The following ADK variants were observed in gnomAD, a reference collection of about 807,000 sequenced individuals.
The protein encoded by ADK is N6,N6-dimethyladenosine kinase.
Under a neutral mutation model 44.7 loss-of-function variants are expected in ADK, and 24 were observed. The observed-to-expected ratio is 0.54, with a 90% CI of 0.39 to 0.76. The LOEUF (loss-of-function observed/expected upper bound fraction) is 0.76. Ranked by LOEUF, ADK falls within the 30% of genes least tolerant of loss-of-function variation. ADK has a pLI of 0.00. For synonymous variants in ADK, 128 were observed against 142.6 expected (o/e 0.90, Z 0.73); for missense variants, 321 against 425.1 (o/e 0.76, Z 2.15).
chr10:74,571,700 G>A (rs539446899), intron 7 of ADK, among the ~76,000 whole-genome samples: 1,894 of 151,936 alleles, frequency 0.012, 8 homozygotes, highest in Middle Eastern at 0.024. Context: ...TCTTGCTAGC[G>A]GTCTATCAAT....
intron 6 of ADK, among the ~76,000 whole-genome samples, chr10:74,458,930 T>C (rs1440960007): frequency 6.6e-6 from 1 of 152,104 alleles, no homozygotes; most frequent in East Asian, 1.9e-4. Flanking sequence ...CATACACATA[T>C]ATACTCTACC....
intron 7 of ADK, among the ~76,000 whole-genome samples, chr10:74,563,277 G>A (rs917755525): frequency 6.6e-6 from 1 of 152,172 alleles, no homozygotes; most frequent in Admixed American, 6.5e-5. Flanking sequence ...CCCTCAAACT[G>A]TTTGTACATG....
At chr10:74,576,048 A>G (rs1040029762) in intron 7 of ADK, among the ~76,000 whole-genome samples, 6 of 152,180 alleles carry the variant, frequency 3.9e-5, no homozygotes, top group Non-Finnish European at 7.4e-5. Flanking sequence ...ATGTTAAAGG[A>G]AAGGAATAAT....
intron 4 of ADK, among the ~76,000 whole-genome samples, chr10:74,338,565 G>T (rs888746270): frequency 1.3e-5 from 2 of 152,028 alleles, no homozygotes; most frequent in Non-Finnish European, 2.9e-5. Flanking sequence ...TATATCTATC[G>T]AATGGAATAC....
At chr10:74,347,181 G>A (rs1841802826) in intron 4 of ADK, among the ~76,000 whole-genome samples, 1 of 141,364 alleles carries the variant, frequency 7.1e-6, no homozygotes, top group African/African-American at 2.7e-5. Flanking sequence ...GCAGCTCCCA[G>A]CAAGACCAAC....
chr10:74,488,814 A>G (rs949481987), intron 6 of ADK, among the ~76,000 whole-genome samples: 2 of 151,792 alleles, frequency 1.3e-5, no homozygotes, highest in Non-Finnish European at 2.9e-5. Context: ...AGGTGATGAG[A>G]TTGAGTAGCT....
At chr10:74,255,219 G>A (rs967651979) in intron 3 of ADK, among the ~76,000 whole-genome samples, 5 of 152,068 alleles carry the variant, frequency 3.3e-5, no homozygotes, top group African/African-American at 7.2e-5. Flanking sequence ...GGGAGGTGGG[G>A]TCAAGGAAGT....
At chr10:74,197,269 C>G (rs1181574736) in intron 1 of ADK, among the ~76,000 whole-genome samples, 1 of 152,106 alleles carries the variant, frequency 6.6e-6, no homozygotes, top group Non-Finnish European at 1.5e-5. Context: ...ACACACAATT[C>G]CAGTTTATTA....
chr10:74,229,892 A>G (rs1844688981), intron 3 of ADK, among the ~76,000 whole-genome samples: 1 of 152,076 alleles, frequency 6.6e-6, no homozygotes, highest in African/African-American at 2.4e-5. Flanking sequence ...TAACAAAAGT[A>G]GCCGGATGTG....
intron 6 of ADK, among the ~76,000 whole-genome samples, chr10:74,410,285 A>G (rs917301135): frequency 6.6e-6 from 1 of 152,136 alleles, no homozygotes; most frequent in African/African-American, 2.4e-5. Context: ...TTGCTCTGTC[A>G]TGAAAAGATT....
chr10:74,463,073 ATTAT>A (rs773554295), intron 6 of ADK, among the ~76,000 whole-genome samples: 2 of 151,952 alleles, frequency 1.3e-5, no homozygotes, highest in Non-Finnish European at 2.9e-5. Context: ...CTAATAAGTG[ATTAT>A]TTTATTTTTT....
chr10:74,654,025 A>G (rs1854384768), intron 9 of ADK, among the ~76,000 whole-genome samples: 1 of 152,180 alleles, frequency 6.6e-6, no homozygotes, highest in Non-Finnish European at 1.5e-5. Flanking sequence ...TGGTTCCTTC[A>G]TATCTAATGC....
chr10:74,594,724 G>A (rs1310541298), intron 8 of ADK, among the ~76,000 whole-genome samples: 1 of 150,576 alleles, frequency 6.6e-6, no homozygotes, highest in Non-Finnish European at 1.5e-5. Flanking sequence ...GGAAGACAAT[G>A]TGATCACCAA....
intron 7 of ADK, among the ~76,000 whole-genome samples, chr10:74,559,195 C>T (rs953127360): frequency 5.9e-5 from 9 of 152,238 alleles, no homozygotes; most frequent in African/African-American, 2.2e-4. Context: ...CGCTGTTCAT[C>T]CACTGACCTC....
intron 1 of ADK, among the ~76,000 whole-genome samples, chr10:74,188,883 C>T (rs1842862210): frequency 6.6e-6 from 1 of 152,098 alleles, no homozygotes; most frequent in African/African-American, 2.4e-5. Context: ...AGCGATTCTT[C>T]TGCCTCAGGC....
rs148854962 is a variant in ADK at position 74,161,809 on chromosome 10, G to A, written c.65+10466G>A. 5.9e-4 allele frequency among the ~76,000 whole-genome samples: 90 copies of A among 151,792 alleles called. 6 individuals are homozygous for A. The East Asian group carries it at 0.017, about 29-fold the overall frequency. On this transcript the variant is annotated intron_variant, in intron 1 of 10. Coordinates refer to ENST00000539909, the MANE Select transcript of ADK (RefSeq NM_006721.4). ...CAGCTTTGACCTCCCAGGCTCAAGCGATCCTCCTATCTCAGCCTCCAGAGT... is the reference window on the plus strand; with the variant it reads ...CAGCTTTGACCTCCCAGGCTCAAGCAATCCTCCTATCTCAGCCTCCAGAGT...
chr10:74,498,083 A>G (rs764792110), intron 6 of ADK, among the ~76,000 whole-genome samples: 45 of 151,840 alleles, frequency 3.0e-4, no homozygotes, highest in Admixed American at 6.6e-5. Flanking sequence ...TAGGGATGGG[A>G]TTTCACCGTG....
chr10:74,183,487 T>A (rs1842635470), intron 1 of ADK, among the ~76,000 whole-genome samples: 1 of 152,016 alleles, frequency 6.6e-6, no homozygotes, highest in African/African-American at 2.4e-5. Context: ...GTCAGGAGGA[T>A]CCCTTGATCC....
At chr10:74,548,360 T>C (rs1468574534) in intron 7 of ADK, among the ~76,000 whole-genome samples, 1 of 152,236 alleles carries the variant, frequency 6.6e-6, no homozygotes, top group Non-Finnish European at 1.5e-5. Context: ...AATGTTAATC[T>C]TTTTGATTCT....
Sources: allele counts gnomAD v4.1 joint callset (sites outside exome capture counted in the v4.1 genomes callset), GRCh38; gene constraint gnomAD v4.1.1; transcripts MANE v1.5; gene names NCBI Gene and HGNC (gene_info 2026-07-23, HGNC 2026-07-21).